KLHL24: variants seen among roughly 807,000 people sequenced by gnomAD.
KLHL24 encodes kelch-like protein 24.
KLHL24 carries 29 observed loss-of-function variants against 53.4 expected under a neutral mutation model. The ratio of observed to expected loss-of-function variants is 0.54; its 90% confidence interval spans 0.40 to 0.74. The LOEUF (loss-of-function observed/expected upper bound fraction) is 0.74. Among genes scored for constraint, KLHL24 ranks in the 30% least tolerant of loss-of-function variants. The pLI is 0.00. For synonymous variants in KLHL24, 222 were observed against 253.7 expected (o/e 0.88, Z 1.19); for missense variants, 504 against 744.0 (o/e 0.68, Z 3.75).
At chr3:183,660,174 C>G (rs1719526089) in intron 3 of KLHL24, among the ~76,000 whole-genome samples, 1 of 150,310 alleles carries the variant, frequency 6.7e-6, no homozygotes. Flanking sequence ...CTCTGTCACC[C>G]AGCCTAGAGT....
chr3:183,674,811 A>G (rs1343317679), intron 7 of KLHL24, among the ~76,000 whole-genome samples: 3 of 152,202 alleles, frequency 2.0e-5, no homozygotes, highest in African/African-American at 7.2e-5. Context: ...TACCTCAGGT[A>G]CCTTAAGTAT....
chr3:183,650,672 T>C lies in KLHL24; in HGVS notation c.316T>C (p.Leu106=). Residue 106 remains leucine (L), a synonymous_variant, in exon 3 of 8, where the codon TTG becomes CTG. Transcript: ENST00000242810. This position sits in a 1 kb window ranked among gnomAD's most constrained non-coding sequence, Gnocchi z 4.5. ...TGACCACAGGGAAAGCCGAGAAATG[T>C]TGGTTGAGATCAATGGTATTTTAGC... is the stretch of plus-strand genomic sequence containing the variant. ...CNDHRESREM[L]VEINGILAEA... 1 of 1,614,060 alleles carries C rather than the reference T, an allele frequency of 6.2e-7. No homozygotes were observed. The highest frequency in any genetic ancestry group is 1.3e-5 in the African/African-American group (1 of 75,042).
intron 1 of KLHL24, among the ~76,000 whole-genome samples, chr3:183,639,067 C>T (rs2313449): frequency 0.33 from 50,404 of 151,162 alleles, 9,186 homozygotes; most frequent in African/African-American, 0.48. Context: ...CGGGTGTGGC[C>T]GCAGGCGGCT....
At chr3:183,654,812 C>G (rs16857894) in intron 3 of KLHL24, among the ~76,000 whole-genome samples, 2,615 of 152,254 alleles carry the variant, frequency 0.017, 83 homozygotes, top group African/African-American at 0.06. Context: ...TCATTGCTTC[C>G]TTATGGCATC....
chr3:183,681,550 A>G lies in KLHL24; in HGVS notation c.*2264A>G, dbSNP rs1560195137. 1 of 152,278 alleles carries G rather than the reference A, an allele frequency of 6.6e-6. No homozygotes were observed. The highest frequency in any genetic ancestry group is 1.5e-5 in the Non-Finnish European group (1 of 67,828). The allele number at this position is 152,278 out of a possible 1,614,324, so 9.4% of individuals were successfully genotyped here. On this transcript the variant is annotated 3_prime_UTR_variant, in exon 8 of 8. Coordinates refer to ENST00000242810, the MANE Select transcript of KLHL24 (RefSeq NM_017644.3). The stretch of plus-strand genomic sequence containing the variant: ...GAATTTTTTTAAACACAGACCTCAC[A>G]CCAATATTAATTTTTTCTCTACATA...
At chr3:183,661,969 A>G (rs1719863374) in intron 3 of KLHL24, among the ~76,000 whole-genome samples, 1 of 152,198 alleles carries the variant, frequency 6.6e-6, no homozygotes. Flanking sequence ...TTATATGGAA[A>G]GAATGATAGA....
In KLHL24 at chr3:183,639,611, C is replaced by A. The variant is rs1380758136; in HGVS notation, c.-125+3818C>A. Among the ~76,000 whole-genome samples, 4 of 113,380 alleles carry A rather than the reference C, an allele frequency of 3.5e-5. No individual in the cohort carries two copies. In the East Asian group the frequency reaches 7.9e-4, roughly 22 times the overall value. 74.4% of individuals were successfully genotyped at this position (113,380 alleles called of 152,430 possible). ...CGCCGCTGCACTCCAGCCTGGGTGA[C>A]AGAGCAAGACTCTGTCTCAAAAAAA... On this transcript the variant is annotated intron_variant, in intron 1 of 7. Coordinates refer to ENST00000242810, the MANE Select transcript of KLHL24 (RefSeq NM_017644.3).
Position 183,681,535 on chromosome 3 carries a change from A to T in KLHL24, c.*2249A>T, listed in dbSNP as rs1712675376. On this transcript the variant is annotated 3_prime_UTR_variant, in exon 8 of 8. Transcript: ENST00000242810. ...AAATCCTGAAAAACAGAATTTTTTT[A>T]AACACAGACCTCACACCAATATTAA... The T allele has an allele frequency of 1.3e-5, 2 of 152,286 alleles. No individual in the cohort carries two copies. Among genetic ancestry groups the T allele is most frequent in the Admixed American group, 6.6e-5 (1 of 15,254 alleles). 9.4% of individuals were successfully genotyped at this position (152,286 alleles called of 1,614,324 possible). A position where few individuals can be genotyped will look rare whatever the true frequency, so the allele number is the denominator to read the frequency against.
At chr3:183,672,533 A>G (rs1721467674) in intron 7 of KLHL24, 49 bp downstream of exon 7, 1 of 1,305,302 alleles carries the variant, frequency 7.7e-7, no homozygotes, top group African/African-American at 1.5e-5. Flanking sequence ...AGAGGGACCA[A>G]GTACATAATC....
rs1712864547 is a variant in KLHL24 at position 183,683,142 on chromosome 3, A to G, written c.*3856A>G. On this transcript the variant is annotated 3_prime_UTR_variant, in exon 8 of 8. Transcript: ENST00000242810. ...TGTATTTTTAGTAGAGACGGGGTTT[A>G]GTAGAGACGGATCACTCCTGACCAC... 6.6e-6 allele frequency: 1 copy of G among 151,570 alleles called. No individual in the cohort carries two copies. Among genetic ancestry groups the G allele is most frequent in the African/African-American group, 2.4e-5 (1 of 41,140 alleles). 9.4% of individuals were successfully genotyped at this position (151,570 alleles called of 1,614,324 possible). A position where few individuals can be genotyped will look rare whatever the true frequency, so the allele number is the denominator to read the frequency against.
Position 183,650,149 on chromosome 3 carries a change from T to C in KLHL24, c.-61-147T>C, listed in dbSNP as rs3755650. The C allele has an allele frequency of 0.29, 140,670 of 479,834 alleles. 22,938 individuals are homozygous for C. The highest frequency in any genetic ancestry group is 0.49 in the African/African-American group (24,750 of 50,544). The allele number at this position is 479,834 out of a possible 1,614,324, so 29.7% of individuals were successfully genotyped here. ...TGTTCAAATGCAAATTTTTGTTGAT[T>C]AGTTTTTATTAACATGAGATAGTGC... On this transcript the variant is annotated intron_variant, in intron 2 of 7. Transcript: ENST00000242810. The surrounding 1 kb of genome is among the most constrained non-coding windows in gnomAD (Gnocchi z 4.5).
intron 6 of KLHL24, among the ~76,000 whole-genome samples, chr3:183,671,927 G>C (rs1051408975): frequency 1.3e-5 from 2 of 152,110 alleles, no homozygotes; most frequent in Non-Finnish European, 2.9e-5. Context: ...AGGTTTACTT[G>C]TTTTCTTTTG....
chr3:183,666,366 A>G (rs775867776), intron 5 of KLHL24, among the ~76,000 whole-genome samples: 2 of 151,976 alleles, frequency 1.3e-5, no homozygotes, highest in Non-Finnish European at 2.9e-5. Context: ...GACCCAAACT[A>G]TCCCTTCTAC....
Position 183,670,820 on chromosome 3 carries a change from T to C in KLHL24, c.1225-214T>C, listed in dbSNP as rs923060259. On this transcript the variant is annotated intron_variant, in intron 5 of 7. Transcript: ENST00000242810. ...TACAATTTTATTGAGGGAAGACTATTAGGAAGAAAATACCTAAAAAGGCTC... is the reference window on the plus strand; with the variant it reads ...TACAATTTTATTGAGGGAAGACTATCAGGAAGAAAATACCTAAAAAGGCTC... Among the ~76,000 whole-genome samples the C allele has an allele frequency of 2.0e-5, 3 of 152,228 alleles. No individual in the cohort carries two copies. The East Asian group carries it at 5.8e-4, about 29-fold the overall frequency.
Position 183,663,024 on chromosome 3 carries a change from T to C in KLHL24, c.921-434T>C, listed in dbSNP as rs922181611. 6.6e-6 allele frequency among the ~76,000 whole-genome samples: 1 copy of C among 152,218 alleles called. No individual in the cohort carries two copies. Among genetic ancestry groups the C allele is most frequent in the African/African-American group, 2.4e-5 (1 of 41,454 alleles). On this transcript the variant is annotated intron_variant, in intron 3 of 7. Transcript: ENST00000242810. The surrounding 1 kb of genome is among the most constrained non-coding windows in gnomAD (Gnocchi z 4.9). ...AGGGTGCTTGGATTATACTATGAATTAGTTTTTTAGAACTAGCAAGCTGAT... is the reference window on the plus strand; with the variant it reads ...AGGGTGCTTGGATTATACTATGAATCAGTTTTTTAGAACTAGCAAGCTGAT...
chr3:183,660,956 T>G (rs1719667328), intron 3 of KLHL24, among the ~76,000 whole-genome samples: 2 of 144,704 alleles, frequency 1.4e-5, no homozygotes, highest in South Asian at 4.3e-4. Context: ...TCCCAGCTAC[T>G]TGGGAGGCTG....
rs771174168 is a variant in KLHL24, at chr3:183,672,433, C to G, written c.1551C>G (p.Tyr517Ter). ...AGGLTKAIYC[Y>*]DPVEDYWMHV... The stretch of plus-strand genomic sequence containing the variant: ...GACTGACCAAGGCAATATACTGTTA[C>G]GATCCAGTTGAAGATTACTGGATGC... Residue 517 changes from tyrosine to a stop codon, truncating the protein, a stop_gained, in exon 7 of 8, where the codon TAC becomes TAG. Coordinates refer to ENST00000242810, the MANE Select transcript of KLHL24 (RefSeq NM_017644.3). LOFTEE classifies it high-confidence loss of function. 2 of 1,613,070 alleles carry G rather than the reference C, an allele frequency of 1.2e-6. No individual in the cohort carries two copies. Among genetic ancestry groups the G allele is most frequent in the African/African-American group, 2.7e-5 (2 of 74,882 alleles).
rs967659447 is a variant in KLHL24, at chr3:183,637,061, C to T, written c.-125+1268C>T. On this transcript the variant is annotated intron_variant, in intron 1 of 7. Transcript: ENST00000242810. ...CAGTTCTGTAAACGTGTTTAGATAGCTAAATATAGATCACAGTGCCACATC... is the reference window on the plus strand; with the variant it reads ...CAGTTCTGTAAACGTGTTTAGATAGTTAAATATAGATCACAGTGCCACATC... Among the ~76,000 whole-genome samples, 18 of 152,332 alleles carry T rather than the reference C, an allele frequency of 1.2e-4. No individual in the cohort carries two copies. In the East Asian group the frequency reaches 1.4e-3, roughly 11 times the overall value.
intron 5 of KLHL24, among the ~76,000 whole-genome samples, chr3:183,670,699 T>G (rs1488393007): frequency 6.6e-6 from 1 of 152,188 alleles, no homozygotes; most frequent in Non-Finnish European, 1.5e-5. Flanking sequence ...GGGCAAAGAT[T>G]GTTTCTTAGA....
Sources: gnomAD v4.1 joint callset for allele counts (sites outside exome capture counted in the v4.1 genomes callset) on GRCh38, gnomAD v4.1.1 for gene constraint, Gnocchi (gnomAD v3.1) non-coding constraint, MANE v1.5 for transcripts, NCBI Gene and HGNC (gene_info 2026-07-23, HGNC 2026-07-21) for gene names.